The following FBXL7 variants were observed in gnomAD, a reference collection of about 807,000 sequenced individuals.
The protein encoded by FBXL7 is F-box/LRR-repeat protein 7.
A neutral mutation model predicts 38.3 loss-of-function variants in FBXL7; 12 were observed. The observed-to-expected ratio is 0.31, with a 90% CI of 0.20 to 0.51. The LOEUF (loss-of-function observed/expected upper bound fraction) is 0.51, where lower values mean the gene tolerates loss of function less well. Among genes scored for constraint, FBXL7 ranks in the 20% least tolerant of loss-of-function variants. The pLI is 0.98. For synonymous variants in FBXL7, 297 were observed against 300.9 expected (o/e 0.99, Z 0.13); for missense variants, 567 against 676.4 (o/e 0.84, Z 1.79).
At chr5:15,889,901 A>C (rs1486664374) in intron 2 of FBXL7, among the ~76,000 whole-genome samples, 1 of 151,988 alleles carries the variant, frequency 6.6e-6, no homozygotes, top group Non-Finnish European at 1.5e-5. Context: ...CAATACACAA[A>C]CAAAAAAAAC....
intron 3 of FBXL7, among the ~76,000 whole-genome samples, chr5:15,929,401 T>G (rs1056438628): frequency 6.6e-6 from 1 of 152,154 alleles, no homozygotes; most frequent in Admixed American, 6.5e-5. Context: ...TGAGGATTAC[T>G]TGAAGCTAGG....
chr5:15,501,859 C>A, intron 1 of FBXL7: 1 of 388,612 alleles, frequency 2.6e-6, no homozygotes, highest in Non-Finnish European at 3.4e-6. Flanking sequence ...TCCATATGTG[C>A]ATGTGTATGT....
At chr5:15,712,102 A>G (rs552907878) in intron 2 of FBXL7, among the ~76,000 whole-genome samples, 4 of 152,328 alleles carry the variant, frequency 2.6e-5, no homozygotes, top group Admixed American at 2.6e-4. Flanking sequence ...CTTTCACAGA[A>G]GCAGATATAC....
Position 15,500,669 on chromosome 5 carries a change from G to C in FBXL7, c.-8G>C. On this transcript the variant is annotated 5_prime_UTR_variant, in exon 1 of 4. Transcript: ENST00000504595. ...GTCCCGGGAGACGGCGGGCATGACG[G>C]CTACAGGATGGGCGCGAACAATGGC... 1 of 1,613,080 alleles carries C rather than the reference G, an allele frequency of 6.2e-7. No individual in the cohort carries two copies. The highest frequency in any genetic ancestry group is 8.5e-7 in the Non-Finnish European group (1 of 1,179,366).
At chr5:15,742,443 G>A (rs562520029) in intron 2 of FBXL7, among the ~76,000 whole-genome samples, 6 of 152,272 alleles carry the variant, frequency 3.9e-5, no homozygotes, top group Admixed American at 2.0e-4. Context: ...TGTCCACTTC[G>A]CTGATGGCTA....
chr5:15,634,747 A>T (rs1741128376), intron 2 of FBXL7, among the ~76,000 whole-genome samples: 1 of 152,088 alleles, frequency 6.6e-6, no homozygotes, highest in Non-Finnish European at 1.5e-5. Flanking sequence ...ACTAACATTG[A>T]TGTGTTTGAA....
At chr5:15,765,388 AAAGCACATC>A (rs1736558602) in intron 2 of FBXL7, among the ~76,000 whole-genome samples, 1 of 152,118 alleles carries the variant, frequency 6.6e-6, no homozygotes, top group South Asian at 2.1e-4. Context: ...GTCTGACAGA[AAAGCACATC>A]AAGCAGAGAC....
intron 1 of FBXL7, among the ~76,000 whole-genome samples, chr5:15,610,437 G>A (rs973881886): frequency 6.6e-6 from 1 of 152,158 alleles, no homozygotes; most frequent in Non-Finnish European, 1.5e-5. Flanking sequence ...TCTCACTCTT[G>A]ATTTTCTAAA....
intron 2 of FBXL7, among the ~76,000 whole-genome samples, chr5:15,889,150 C>T (rs957425743): frequency 6.6e-6 from 1 of 152,042 alleles, no homozygotes; most frequent in Non-Finnish European, 1.5e-5. Flanking sequence ...GTATAATCCA[C>T]TAGGAAGGAA....
intron 2 of FBXL7, among the ~76,000 whole-genome samples, chr5:15,831,915 C>G (rs968343338): frequency 6.6e-6 from 1 of 152,148 alleles, no homozygotes; most frequent in African/African-American, 2.4e-5. Flanking sequence ...GGCCCTTGCT[C>G]TGTCCACACC....
At chr5:15,633,713 G>C (rs868765837) in intron 2 of FBXL7, among the ~76,000 whole-genome samples, 56 of 150,070 alleles carry the variant, frequency 3.7e-4, no homozygotes, top group Admixed American at 1.3e-4. Flanking sequence ...TGACCTTCTG[G>C]AACTTTTAAT....
In FBXL7 at chr5:15,636,507, T is replaced by G. The variant is rs112467528; in HGVS notation, c.127+20435T>G. On this transcript the variant is annotated intron_variant, in intron 2 of 3. Coordinates refer to ENST00000504595, the MANE Select transcript of FBXL7 (RefSeq NM_012304.5). Reference sequence around the variant, plus strand: ...AGAATTAAGTGTTCTCTGATTGAATTAACAGTGCAGGGCCTCCTAGTCACA... The same window carrying G: ...AGAATTAAGTGTTCTCTGATTGAATGAACAGTGCAGGGCCTCCTAGTCACA... 2.1e-3 allele frequency among the ~76,000 whole-genome samples: 317 copies of G among 152,334 alleles called. 2 individuals are homozygous for G. Among genetic ancestry groups the G allele is most frequent in the African/African-American group, 7.3e-3 (305 of 41,572 alleles).
At chr5:15,703,075 C>G (rs920331269) in intron 2 of FBXL7, among the ~76,000 whole-genome samples, 6 of 152,166 alleles carry the variant, frequency 3.9e-5, no homozygotes, top group African/African-American at 1.4e-4. Flanking sequence ...TCAGTTAAGG[C>G]AGGAACCAGC....
At chr5:15,733,188 G>A (rs1735657609) in intron 2 of FBXL7, among the ~76,000 whole-genome samples, 1 of 152,066 alleles carries the variant, frequency 6.6e-6, no homozygotes, top group African/African-American at 2.4e-5. Context: ...CCGCCTCTCG[G>A]GTTCAATCAA....
At chr5:15,659,841 AAT>A (rs1561073674) in intron 2 of FBXL7, among the ~76,000 whole-genome samples, 2 of 152,226 alleles carry the variant, frequency 1.3e-5, no homozygotes, top group African/African-American at 4.8e-5. Context: ...AAGCAAAGTT[AAT>A]ATTATAGAAG....
chr5:15,734,746 G>A (rs946479686), intron 2 of FBXL7, among the ~76,000 whole-genome samples: 2 of 152,212 alleles, frequency 1.3e-5, no homozygotes, highest in Non-Finnish European at 2.9e-5. Context: ...AGGAAAGAGC[G>A]TTTCACAATT....
intron 2 of FBXL7, among the ~76,000 whole-genome samples, chr5:15,861,370 T>G (rs538366102): frequency 6.6e-6 from 1 of 152,280 alleles, no homozygotes; most frequent in South Asian, 2.1e-4. Context: ...TGAGATCTTC[T>G]GTCAAGCCAA....
At chr5:15,780,059 C>T (rs1157419517) in intron 2 of FBXL7, among the ~76,000 whole-genome samples, 1 of 152,116 alleles carries the variant, frequency 6.6e-6, no homozygotes, top group Non-Finnish European at 1.5e-5. Context: ...TTGGCCAGTC[C>T]TCCTTTGAAA....
chr5:15,763,296 T>C (rs953299685), intron 2 of FBXL7, among the ~76,000 whole-genome samples: 3 of 152,216 alleles, frequency 2.0e-5, no homozygotes, highest in Non-Finnish European at 4.4e-5. Flanking sequence ...CTGTTTTTAT[T>C]TACAGTAAGT....
Sources: gnomAD v4.1 joint callset for allele counts (sites outside exome capture counted in the v4.1 genomes callset) on GRCh38, gnomAD v4.1.1 for gene constraint, MANE v1.5 for transcripts, NCBI Gene and HGNC (gene_info 2026-07-23, HGNC 2026-07-21) for gene names.